Variants in S100PBP observed in about 807,000 individuals in gnomAD.
The protein encoded by S100PBP is S100P binding protein.
In S100PBP, 15 loss-of-function variants were observed where a neutral mutation model predicts 39.9. The ratio of observed to expected loss-of-function variants is 0.38; its 90% confidence interval spans 0.25 to 0.58. S100PBP has a LOEUF of 0.58. Among genes scored for constraint, S100PBP ranks in the 20% least tolerant of loss-of-function variants. S100PBP has a pLI of 0.70. For missense variants in S100PBP, 504 were observed against 487.3 expected (o/e 1.03, Z -0.32); for synonymous variants, 178 against 180.3 (o/e 0.99, Z 0.10).
intron 5 of S100PBP, among the ~76,000 whole-genome samples, chr1:32,850,182 TAAG>T (rs770999888): frequency 1.2e-4 from 18 of 152,330 alleles, no homozygotes; most frequent in Non-Finnish European, 1.9e-4. Context: ...ATGCAGGTGA[TAAG>T]AAATGAGTGA....
chr1:32,848,293 C>T (rs1292298362), intron 5 of S100PBP, among the ~76,000 whole-genome samples: 5 of 151,860 alleles, frequency 3.3e-5, no homozygotes, highest in African/African-American at 9.7e-5. Context: ...GGCAAAAGAG[C>T]GAAACTCCGT....
At chr1:32,821,393 C>T (rs1305271651) in intron 1 of S100PBP, among the ~76,000 whole-genome samples, 1 of 152,060 alleles carries the variant, frequency 6.6e-6, no homozygotes, top group Non-Finnish European at 1.5e-5. Flanking sequence ...GCGGTCTGGG[C>T]TCACTGCAAC....
intron 5 of S100PBP, among the ~76,000 whole-genome samples, chr1:32,832,774 C>T (rs1013508205): frequency 6.6e-6 from 1 of 152,146 alleles, no homozygotes; most frequent in Non-Finnish European, 1.5e-5. Flanking sequence ...AAGTGTAATT[C>T]TTCAGGTTAT....
chr1:32,842,221 GTATA>G lies in S100PBP; in HGVS notation c.1025-10845_1025-10842del, dbSNP rs373787383. 2.1e-3 allele frequency among the ~76,000 whole-genome samples: 190 copies of G among 91,754 alleles called. 1 individual carries two copies. Among genetic ancestry groups the G allele is most frequent in the Middle Eastern group, 5.7e-3 (1 of 176 alleles). 60.2% of individuals were successfully genotyped at this position (91,754 alleles called of 152,430 possible). A position where few individuals can be genotyped will look rare whatever the true frequency, so the allele number is the denominator to read the frequency against. On this transcript the variant is annotated intron_variant, in intron 5 of 6. Transcript: ENST00000373475. ...AAAAAAAACATATATATATATATAT[GTATA>G]TATATATATATACACACACACACAC...
chr1:32,850,832 T>C (rs1423902683), intron 5 of S100PBP, among the ~76,000 whole-genome samples: 1 of 152,212 alleles, frequency 6.6e-6, no homozygotes, highest in African/African-American at 2.4e-5. Context: ...TTGAGTGCCA[T>C]AAAATGTCAT....
At chr1:32,844,299 C>T (rs1223553665) in intron 5 of S100PBP, among the ~76,000 whole-genome samples, 1 of 151,910 alleles carries the variant, frequency 6.6e-6, no homozygotes, top group Non-Finnish European at 1.5e-5. Flanking sequence ...TATCTGCCTG[C>T]CTCTGCCTCC....
Position 32,826,487 on chromosome 1 carries a change from A to C in S100PBP, c.388A>C (p.Thr130Pro). ...STSSGHGPAH[T>P]KPLNRRSVLE... ...ATCAAGTGGTCATGGACCAGCTCAT[A>C]CTAAACCATTAAACAGACGCTCTGT... Residue 130 changes from threonine (T) to proline (P), a missense_variant, in exon 3 of 7, where the codon ACT (threonine) becomes CCT (proline). Physicochemically the swap from Thr to Pro is conservative, Grantham distance 38. Transcript: ENST00000373475. The C allele has an allele frequency of 6.2e-7, 1 of 1,614,180 alleles. No individual in the cohort carries two copies. Among genetic ancestry groups the C allele is most frequent in the African/African-American group, 1.3e-5 (1 of 75,048 alleles).
At chr1:32,833,637 C>T (rs1209251070) in intron 5 of S100PBP, among the ~76,000 whole-genome samples, 1 of 152,132 alleles carries the variant, frequency 6.6e-6, no homozygotes, top group African/African-American at 2.4e-5. Flanking sequence ...GCTGGGATTA[C>T]AGGCGTGAGA....
chr1:32,834,117 A>C (rs1310601473), intron 5 of S100PBP: 3 of 208,276 alleles, frequency 1.4e-5, no homozygotes, highest in East Asian at 1.6e-4. Flanking sequence ...GTCCTGCCCC[A>C]AAAAATTGTA....
intron 5 of S100PBP, among the ~76,000 whole-genome samples, chr1:32,840,490 G>A (rs1640036684): frequency 6.6e-6 from 1 of 151,598 alleles, no homozygotes; most frequent in Admixed American, 6.6e-5. Context: ...CCAAGTAGCT[G>A]GGATTACAGG....
rs574706798 is a variant in S100PBP at position 32,826,757 on chromosome 1, C to G, written c.658C>G (p.Gln220Glu). ...GCTCTCTTCTTCAAACAATAACTTT[C>G]AACAGACTGTCTCTGATAAAAATAT... ...PQLSSSNNNF[Q>E]QTVSDKNMPD... is the part of the protein sequence containing the mutation. The change falls in exon 3 of 7, where the codon CAA becomes GAA. Residue 220 changes from glutamine (Q) to glutamate (E), a missense_variant. Gln to Glu is a conservative substitution (Grantham distance 29, BLOSUM62 2). Coordinates refer to ENST00000373475, the MANE Select transcript of S100PBP (RefSeq NM_022753.4). 42 of 1,614,100 alleles carry G rather than the reference C, an allele frequency of 2.6e-5. No individual in the cohort carries two copies. The South Asian group carries it at 4.5e-4, about 17-fold the overall frequency.
chr1:32,818,301 G>T (rs1206397701), intron 1 of S100PBP: 1 of 152,320 alleles, frequency 6.6e-6, no homozygotes, highest in Non-Finnish European at 1.5e-5. Flanking sequence ...CACCGTCCCG[G>T]GCCGTTGCAT....
At chr1:32,827,794 T>G (rs1014144273) in intron 3 of S100PBP, among the ~76,000 whole-genome samples, 199 bp from the exon 4 acceptor site, 4 of 150,410 alleles carry the variant, frequency 2.7e-5, no homozygotes, top group Admixed American at 6.7e-5. Flanking sequence ...TTTTTTTTTT[T>G]TTTTTTTTTT....
At chr1:32,818,323 A>C (rs1638858456) in intron 1 of S100PBP, among the ~76,000 whole-genome samples, 1 of 152,184 alleles carries the variant, frequency 6.6e-6, no homozygotes, top group Non-Finnish European at 1.5e-5. Flanking sequence ...TGTGAGAGAG[A>C]GCCAAGGCAG....
intron 1 of S100PBP, among the ~76,000 whole-genome samples, chr1:32,821,721 G>A (rs1422991041): frequency 8.0e-5 from 12 of 150,284 alleles, no homozygotes; most frequent in African/African-American, 2.5e-4. Flanking sequence ...TGCAACCTCC[G>A]CCTCCTGGGT....
At chr1:32,826,970 TA>T (rs758053178) in intron 3 of S100PBP, 40 bp downstream of exon 3, 1 of 1,376,208 alleles carries the variant, frequency 7.3e-7, no homozygotes, top group Non-Finnish European at 9.8e-7. Flanking sequence ...AAAATGAAAT[TA>T]TTTTTATTCA....
At chr1:32,838,948 A>C (rs1027949550) in intron 5 of S100PBP, among the ~76,000 whole-genome samples, 8 of 152,060 alleles carry the variant, frequency 5.3e-5, no homozygotes, top group Non-Finnish European at 1.5e-5. Flanking sequence ...TTGGTCTTGC[A>C]CATCTGAAGC....
chr1:32,837,403 A>G (rs1361419409), intron 5 of S100PBP, among the ~76,000 whole-genome samples: 1 of 144,896 alleles, frequency 6.9e-6, no homozygotes, highest in Non-Finnish European at 1.5e-5. Context: ...CTCCTGCCTC[A>G]GCCTCCTAGC....
chr1:32,823,073 T>C (rs1639159201), intron 1 of S100PBP, among the ~76,000 whole-genome samples: 1 of 152,238 alleles, frequency 6.6e-6, no homozygotes, highest in Non-Finnish European at 1.5e-5. Flanking sequence ...GTTCTAACAT[T>C]ATTAGCTATG....
Sources: allele counts gnomAD v4.1 joint callset (sites outside exome capture counted in the v4.1 genomes callset), GRCh38; gene constraint gnomAD v4.1.1; transcripts MANE v1.5; gene names NCBI Gene and HGNC (gene_info 2026-07-23, HGNC 2026-07-21).